SPON1: variants seen among roughly 807,000 people sequenced by gnomAD.
SPON1 encodes the protein spondin 1.
A neutral mutation model predicts 111.7 loss-of-function variants in SPON1; 52 were observed. That is an observed-to-expected ratio of 0.47 (90% CI 0.37 to 0.59). The LOEUF (loss-of-function observed/expected upper bound fraction) is 0.59, where lower values mean the gene tolerates loss of function less well. Ranked by LOEUF, SPON1 falls within the 20% of genes least tolerant of loss-of-function variation. SPON1 has a pLI of 0.00. For missense variants in SPON1, 957 were observed against 1,068.5 expected (o/e 0.90, Z 1.46); for synonymous variants, 410 against 395.8 (o/e 1.04, Z -0.43).
chr11:14,024,026 G>A (rs1564888100), intron 2 of SPON1, among the ~76,000 whole-genome samples: 1 of 150,348 alleles, frequency 6.7e-6, no homozygotes, highest in Non-Finnish European at 1.5e-5. Flanking sequence ...AAGACTGGAA[G>A]GAGCAATTTG....
intron 6 of SPON1, among the ~76,000 whole-genome samples, chr11:14,157,148 C>T (rs1847857565): frequency 6.6e-6 from 1 of 152,116 alleles, no homozygotes; most frequent in African/African-American, 2.4e-5. Flanking sequence ...TATATTTATT[C>T]TTTCTGTTGT....
rs139144573 is a variant in SPON1, at chr11:14,161,461, G to A, written c.825+25893G>A. On this transcript the variant is annotated intron_variant, in intron 6 of 15. Coordinates refer to ENST00000576479, the MANE Select transcript of SPON1 (RefSeq NM_006108.4). ...AGCCTCCCAAGTAGCTGGGACTACA[G>A]GTGCACACCATCACACCCAGATAAT... Among the ~76,000 whole-genome samples, 1,216 of 150,698 alleles carry A rather than the reference G, an allele frequency of 8.1e-3. 12 individuals are homozygous for A. The highest frequency in any genetic ancestry group is 0.028 in the African/African-American group (1,132 of 40,954).
At position 13,984,045 on chromosome 11, in the gene SPON1, CCTT is replaced by C. The variant is rs539241539; in HGVS notation, c.345+1095_345+1097del. On this transcript the variant is annotated intron_variant, in intron 2 of 15. Coordinates refer to ENST00000576479, the MANE Select transcript of SPON1 (RefSeq NM_006108.4). ...CTTAATTCCACGCTCACCGTAATGTCCTTCTATGGCAAAGAACCTCTTGGCATG... is the reference window on the plus strand; with the variant it reads ...CTTAATTCCACGCTCACCGTAATGTCCTATGGCAAAGAACCTCTTGGCATG... Among the ~76,000 whole-genome samples the C allele has an allele frequency of 5.3e-5, 8 of 152,256 alleles. No homozygotes were observed. The South Asian group carries it at 1.7e-3, about 32-fold the overall frequency.
At chr11:14,012,297 C>T (rs973922389) in intron 2 of SPON1, among the ~76,000 whole-genome samples, 24 of 152,178 alleles carry the variant, frequency 1.6e-4, no homozygotes, top group Non-Finnish European at 3.2e-4. Flanking sequence ...CCCATCCTAA[C>T]ACCCACCCTA....
At chr11:13,988,759 G>T (rs12279004) in intron 2 of SPON1, among the ~76,000 whole-genome samples, 7,187 of 152,106 alleles carry the variant, frequency 0.047, 555 homozygotes, top group African/African-American at 0.16. Flanking sequence ...TAGCATGAAG[G>T]GGTGTTGAAT....
intron 6 of SPON1, among the ~76,000 whole-genome samples, chr11:14,172,940 T>C (rs1243166707): frequency 6.6e-6 from 1 of 151,958 alleles, no homozygotes; most frequent in Non-Finnish European, 1.5e-5. Flanking sequence ...TTCCTTCATT[T>C]CAACTTTGGT....
At chr11:14,221,768 A>C (rs1848683981) in intron 6 of SPON1, among the ~76,000 whole-genome samples, 1 of 152,044 alleles carries the variant, frequency 6.6e-6, no homozygotes, top group Non-Finnish European at 1.5e-5. Context: ...TCCACACCCC[A>C]CATGATGCAG....
chr11:14,014,046 A>T (rs1357871387), intron 2 of SPON1, among the ~76,000 whole-genome samples: 1 of 152,118 alleles, frequency 6.6e-6, no homozygotes, highest in Non-Finnish European at 1.5e-5. Flanking sequence ...ATCAAATTGG[A>T]AGTTAATGCT....
intron 6 of SPON1, among the ~76,000 whole-genome samples, chr11:14,156,939 C>A (rs1591391979): frequency 6.6e-6 from 1 of 152,180 alleles, no homozygotes; most frequent in Non-Finnish European, 1.5e-5. Context: ...ATTCAATCAC[C>A]TCTGACCAGA....
intron 7 of SPON1, among the ~76,000 whole-genome samples, chr11:14,253,833 G>T (rs1849078226): frequency 6.6e-6 from 1 of 152,226 alleles, no homozygotes; most frequent in Non-Finnish European, 1.5e-5. Flanking sequence ...AGGGGAAAAT[G>T]AAATAATATG....
intron 5 of SPON1, among the ~76,000 whole-genome samples, chr11:14,086,098 C>A (rs1234967241): frequency 6.6e-6 from 1 of 152,128 alleles, no homozygotes; most frequent in African/African-American, 2.4e-5. Flanking sequence ...CAAACAGAGA[C>A]AATTTGACCT....
chr11:14,246,413 T>C (rs1349747888), intron 7 of SPON1, among the ~76,000 whole-genome samples: 1 of 152,196 alleles, frequency 6.6e-6, no homozygotes, highest in African/African-American at 2.4e-5. Flanking sequence ...AGGGTGGATA[T>C]AGAATGCCAA....
chr11:14,259,333 T>G lies in SPON1; in HGVS notation c.1546T>G (p.Ser516Ala), dbSNP rs1286035688. Residue 516 changes from serine to alanine, a missense_variant, in exon 12 of 16, where the codon TCC (serine) becomes GCC (alanine). By Grantham distance (99) the Ser-to-Ala change is moderately conservative. Transcript: ENST00000576479. The surrounding 1 kb of genome is among the most constrained non-coding windows in gnomAD (Gnocchi z 5.0). ...EWITWSPCSI[S>A]CGMGMRSRER... ...GATCACCTGGTCGCCCTGCAGCATCTCCTGCGGCATGGGCATGAGGTCCCG... is the reference window on the plus strand; with the variant it reads ...GATCACCTGGTCGCCCTGCAGCATCGCCTGCGGCATGGGCATGAGGTCCCG... 6.2e-7 allele frequency: 1 copy of G among 1,612,894 alleles called. No individual in the cohort carries two copies. Among genetic ancestry groups the G allele is most frequent in the East Asian group, 2.2e-5 (1 of 44,868 alleles).
At chr11:14,072,315 A>G (rs1345257122) in intron 3 of SPON1, among the ~76,000 whole-genome samples, 2 of 152,298 alleles carry the variant, frequency 1.3e-5, no homozygotes, top group South Asian at 2.1e-4. Flanking sequence ...GACATCTTAT[A>G]GGAAATACAT....
intron 11 of SPON1, among the ~76,000 whole-genome samples, 162 bp downstream of exon 11, chr11:14,258,060 G>A (rs1192377040): frequency 2.0e-5 from 3 of 152,214 alleles, no homozygotes; most frequent in Non-Finnish European, 4.4e-5. Flanking sequence ...GTGTCTTGAG[G>A]GCTCTGAACA....
At chr11:13,980,544 T>TTTA (rs749161081) in intron 1 of SPON1, among the ~76,000 whole-genome samples, 5 of 152,090 alleles carry the variant, frequency 3.3e-5, no homozygotes, top group African/African-American at 7.2e-5. Context: ...GGTACTTCTT[T>TTTA]TTATTATTAT....
intron 6 of SPON1, among the ~76,000 whole-genome samples, chr11:14,198,430 T>A (rs1405920658): frequency 1.3e-5 from 2 of 152,246 alleles, no homozygotes; most frequent in African/African-American, 4.8e-5. Context: ...TGAGCCCTTA[T>A]AAACTTAATA....
intron 5 of SPON1, among the ~76,000 whole-genome samples, chr11:14,110,890 C>T (rs782171646): frequency 3.9e-5 from 6 of 152,228 alleles, no homozygotes; most frequent in Non-Finnish European, 8.8e-5. Context: ...CACTGTCACA[C>T]CTGCCCTAGG....
chr11:14,101,503 T>C (rs1308911062), intron 5 of SPON1, among the ~76,000 whole-genome samples: 1 of 152,138 alleles, frequency 6.6e-6, no homozygotes, highest in African/African-American at 2.4e-5. Flanking sequence ...ATTCTGGAGA[T>C]TTATTTTTTG....
Sources: gnomAD v4.1 joint callset for allele counts (sites outside exome capture counted in the v4.1 genomes callset) on GRCh38, gnomAD v4.1.1 for gene constraint, Gnocchi (gnomAD v3.1) non-coding constraint, MANE v1.5 for transcripts, NCBI Gene and HGNC (gene_info 2026-07-23, HGNC 2026-07-21) for gene names.